PER3: variants seen among roughly 807,000 people sequenced by gnomAD.
The protein encoded by PER3 is period circadian regulator 3.
Under a neutral mutation model 127.2 loss-of-function variants are expected in PER3, and 107 were observed. That is an observed-to-expected ratio of 0.84 (90% CI 0.72 to 0.99). PER3 has a LOEUF of 0.99. Ranked by LOEUF, PER3 falls within the 50% of genes least tolerant of loss-of-function variation. PER3 has a pLI of 0.00. For synonymous variants in PER3, 618 were observed against 585.8 expected (o/e 1.05, Z -0.79); for missense variants, 1,560 against 1,525.8 (o/e 1.02, Z -0.37).
intron 4 of PER3, chr1:7,787,134 A>T: frequency 2.9e-6 from 1 of 350,148 alleles, no homozygotes; most frequent in Non-Finnish European, 4.7e-6. Flanking sequence ...ATTACACTGC[A>T]GAGTAATTTC....
intron 19 of PER3, among the ~76,000 whole-genome samples, chr1:7,832,010 G>A (rs1378320753): frequency 6.6e-6 from 1 of 151,880 alleles, no homozygotes; most frequent in Non-Finnish European, 1.5e-5. Flanking sequence ...ATCTTTCTGG[G>A]CCTGGAGTTT....
chr1:7,789,176 C>T (rs1014941693), intron 5 of PER3, among the ~76,000 whole-genome samples: 1 of 147,772 alleles, frequency 6.8e-6, no homozygotes, highest in African/African-American at 2.5e-5. Context: ...CTCTTTGATT[C>T]CAAGCCCTTC....
At position 7,820,244 on chromosome 1, in the gene PER3, C is replaced by A. The variant is rs1216471026; in HGVS notation, c.1783+5C>A. The A allele has an allele frequency of 2.5e-6, 4 of 1,610,256 alleles. No homozygotes were observed. Among genetic ancestry groups the A allele is most frequent in the Non-Finnish European group, 3.4e-6 (4 of 1,178,668 alleles). ...ATGATGTCCAAGCCTTACAAGGTAACAAGAATGCCCCTCAGAGTTAAATTC... is the reference window on the plus strand; with the variant it reads ...ATGATGTCCAAGCCTTACAAGGTAAAAAGAATGCCCCTCAGAGTTAAATTC... On this transcript the variant is annotated splice_donor_5th_base_variant and intron_variant, in intron 15 of 21. Coordinates refer to ENST00000377532, the MANE Select transcript of PER3 (RefSeq NM_001377275.1).
rs1036474686 is a variant in PER3, at chr1:7,843,069, A to C, written c.*314A>C. The C allele has an allele frequency of 1.8e-5, 3 of 170,638 alleles. No homozygotes were observed. Among genetic ancestry groups the C allele is most frequent in the Non-Finnish European group, 3.8e-5 (3 of 79,302 alleles). 10.6% of individuals were successfully genotyped at this position (170,638 alleles called of 1,614,324 possible). On this transcript the variant is annotated 3_prime_UTR_variant, in exon 22 of 22. Transcript: ENST00000377532. ...GTCACCCAGAGTAAATTATAATTAGAAGTATAGCTAGAATGAGCCCCAAAC... is the reference window on the plus strand; with the variant it reads ...GTCACCCAGAGTAAATTATAATTAGCAGTATAGCTAGAATGAGCCCCAAAC...
rs373227456 is a variant in PER3, at chr1:7,784,295, G to T, written c.-306G>T. The stretch of plus-strand genomic sequence containing the variant: ...GGGGGCGCGGCGCCGGCTGCTGACC[G>T]GCACGCGGCGAGCCTCGAGACTGCG... On this transcript the variant is annotated 5_prime_UTR_variant, in exon 1 of 22. Transcript: ENST00000377532. The T allele has an allele frequency of 2.7e-5, 4 of 149,600 alleles. No individual in the cohort carries two copies. Among genetic ancestry groups the T allele is most frequent in the African/African-American group, 9.7e-5 (4 of 41,144 alleles). 9.3% of individuals were successfully genotyped at this position (149,600 alleles called of 1,614,324 possible). A position where few individuals can be genotyped will look rare whatever the true frequency, so the allele number is the denominator to read the frequency against.
At chr1:7,803,930 C>A in intron 10 of PER3, 82 bp downstream of exon 10, 1 of 1,080,744 alleles carries the variant, frequency 9.3e-7, no homozygotes. Context: ...CCCTCTGACT[C>A]AATTGACACA....
chr1:7,818,535 TTC>T (rs1220910442), intron 13 of PER3, among the ~76,000 whole-genome samples: 1 of 152,188 alleles, frequency 6.6e-6, no homozygotes, highest in Non-Finnish European at 1.5e-5. Flanking sequence ...TTGCAGGATT[TTC>T]TGTTATCTTT....
intron 20 of PER3, 24 bp downstream of exon 20, chr1:7,835,969 C>T (rs764019137): frequency 6.8e-7 from 1 of 1,470,246 alleles, no homozygotes; most frequent in Non-Finnish European, 9.3e-7. Flanking sequence ...TTAGAAAACC[C>T]ACTTTTTATA....
Position 7,835,807 on chromosome 1 carries a change from C to G in PER3, c.3260C>G (p.Ser1087Cys). 2.5e-6 allele frequency: 4 copies of G among 1,612,860 alleles called. No homozygotes were observed. The highest frequency in any genetic ancestry group is 3.4e-6 in the Non-Finnish European group (4 of 1,178,900). Reference sequence around the variant, plus strand: ...TACCTTACTAGTAGTGTTTATTCTTCTAAAATCTCCCAAAATGGGCAGCAA... The same window carrying G: ...TACCTTACTAGTAGTGTTTATTCTTGTAAAATCTCCCAAAATGGGCAGCAA... ...SIYLTSSVYSSKISQNGQQSQ... is the reference protein window; with the variant it reads ...SIYLTSSVYSCKISQNGQQSQ... The change falls in exon 20 of 22, where the codon TCT becomes TGT. Residue 1087 changes from serine to cysteine, a missense_variant. By Grantham distance (112) the Ser-to-Cys change is moderately radical. This residue lies in a region of PER3 where 199 missense variants were observed against 198.6 expected (regional missense o/e 1.00). Coordinates refer to ENST00000377532, the MANE Select transcript of PER3 (RefSeq NM_001377275.1).
chr1:7,827,864 C>A, intron 18 of PER3, 49 bp downstream of exon 18: 2 of 1,462,218 alleles, frequency 1.4e-6, no homozygotes, highest in Non-Finnish European at 1.9e-6. Context: ...GAATATCTTA[C>A]TAAAGTTAAG....
At chr1:7,801,316 T>A (rs1183079858) in intron 8 of PER3, 125 bp downstream of exon 8, 4 of 593,310 alleles carry the variant, frequency 6.7e-6, no homozygotes, top group Admixed American at 3.3e-5. Flanking sequence ...GCCTATTTGA[T>A]TTTTGTTACA....
rs2097303790 is a variant in PER3, at chr1:7,826,856, CA to C, written c.2188+147del. 4 of 640,942 alleles carry C rather than the reference CA, an allele frequency of 6.2e-6. No individual in the cohort carries two copies. In the South Asian group the frequency reaches 7.9e-5, roughly 13 times the overall value. The allele number at this position is 640,942 out of a possible 1,614,324, so 39.7% of individuals were successfully genotyped here. ...TGCTGAAACAATCTATTTACATCAACAGTTTATGTAAGTTCTTTGTTAGATC... is the reference window on the plus strand; with the variant it reads ...TGCTGAAACAATCTATTTACATCAACGTTTATGTAAGTTCTTTGTTAGATC... On this transcript the variant is annotated intron_variant, in intron 17 of 21. Transcript: ENST00000377532. This position sits in a 1 kb window ranked among gnomAD's most constrained non-coding sequence, Gnocchi z 4.2.
At chr1:7,789,369 C>T (rs970554401) in intron 5 of PER3, among the ~76,000 whole-genome samples, 2 of 152,146 alleles carry the variant, frequency 1.3e-5, no homozygotes, top group African/African-American at 2.4e-5. Context: ...ATGCTGTTCT[C>T]GTGATAGTGG....
intron 16 of PER3, among the ~76,000 whole-genome samples, chr1:7,821,769 C>T (rs930238078): frequency 6.6e-6 from 1 of 152,134 alleles, no homozygotes. Context: ...TTTACAGGGC[C>T]ACATCTTTAT....
chr1:7,842,672 G>A lies in PER3; in HGVS notation c.3550G>A (p.Ala1184Thr), dbSNP rs760519448. The A allele has an allele frequency of 1.9e-6, 3 of 1,612,804 alleles. No individual in the cohort carries two copies. The highest frequency in any genetic ancestry group is 2.7e-5 in the African/African-American group (2 of 74,866). The change falls in exon 22 of 22, where the codon GCC (alanine) becomes ACC (threonine). Residue 1184 changes from alanine (A) to threonine (T), a missense_variant and splice_region_variant. By Grantham distance (58) the Ala-to-Thr change is moderately conservative (BLOSUM62 0). Around this residue, in one of 3 missense-constraint regions of PER3, gnomAD observed 199 missense variants for 198.6 expected, o/e 1.00. Coordinates refer to ENST00000377532, the MANE Select transcript of PER3 (RefSeq NM_001377275.1). ...TCGCCTGCTTTGTTCTTTTTTGGAGGCCTGTGTCACTTGTGAAAATGAAGA... is the reference window on the plus strand; with the variant it reads ...TCGCCTGCTTTGTTCTTTTTTGGAGACCTGTGTCACTTGTGAAAATGAAGA... ...QTVTQEIDIQ[A>T]CVTCENEDSA...
intron 7 of PER3, among the ~76,000 whole-genome samples, chr1:7,799,631 GAT>G (rs2097161436): frequency 7.4e-6 from 1 of 135,052 alleles, no homozygotes; most frequent in Non-Finnish European, 1.6e-5. Context: ...AAAAAAAAAA[GAT>G]AATCATTTCA....
chr1:7,793,211 A>G (rs1365979979), intron 5 of PER3, among the ~76,000 whole-genome samples: 2 of 152,234 alleles, frequency 1.3e-5, no homozygotes, highest in Non-Finnish European at 2.9e-5. Flanking sequence ...AAAGATATTC[A>G]GGAAGCTCTA....
intron 10 of PER3, among the ~76,000 whole-genome samples, chr1:7,804,226 A>G (rs562755492): frequency 6.6e-6 from 1 of 152,204 alleles, no homozygotes; most frequent in Non-Finnish European, 1.5e-5. Context: ...ACATACTATG[A>G]AATAAGGAAA....
intron 10 of PER3, among the ~76,000 whole-genome samples, chr1:7,805,215 GGTT>G (rs1455529496): frequency 1.3e-5 from 2 of 152,096 alleles, no homozygotes; most frequent in African/African-American, 4.8e-5. Flanking sequence ...CCTGGCTCTA[GGTT>G]TCCCTCTGAT....
Sources: allele counts gnomAD v4.1 joint callset (sites outside exome capture counted in the v4.1 genomes callset), GRCh38; gene constraint gnomAD v4.1.1; regional missense constraint gnomAD v4.1.1; non-coding constraint Gnocchi (gnomAD v3.1); transcripts MANE v1.5; gene names NCBI Gene and HGNC (gene_info 2026-07-23, HGNC 2026-07-21).